The following RHBDL3 variants were observed in gnomAD, a reference collection of about 807,000 sequenced individuals.
The protein encoded by RHBDL3 is rhomboid-related protein 3.
A neutral mutation model predicts 48.2 loss-of-function variants in RHBDL3; 28 were observed. That is an observed-to-expected ratio of 0.58 (90% CI 0.43 to 0.80). The LOEUF (loss-of-function observed/expected upper bound fraction) is 0.80, where lower values mean the gene tolerates loss of function less well. Ranked by LOEUF, RHBDL3 falls within the 30% of genes least tolerant of loss-of-function variation. RHBDL3 has a pLI of 0.00. For synonymous variants in RHBDL3, 208 were observed against 232.3 expected (o/e 0.90, Z 0.95); for missense variants, 464 against 542.7 (o/e 0.85, Z 1.44).
chr17:32,318,407 C>T (rs554457711), intron 8 of RHBDL3, among the ~76,000 whole-genome samples: 10 of 56,666 alleles, frequency 1.8e-4, no homozygotes, highest in African/African-American at 9.7e-4. Flanking sequence ...GAGGCCAAAG[C>T]GAGTAGATCA....
intron 2 of RHBDL3, among the ~76,000 whole-genome samples, chr17:32,273,592 T>TC (rs1206985187): frequency 6.6e-6 from 1 of 152,060 alleles, no homozygotes. Context: ...CCTAGTACCT[T>TC]CCCCCCTACG....
At chr17:32,291,518 T>C (rs903372084) in intron 4 of RHBDL3, among the ~76,000 whole-genome samples, 1 of 150,638 alleles carries the variant, frequency 6.6e-6, no homozygotes, top group African/African-American at 2.4e-5. Flanking sequence ...CCGTCTCTAC[T>C]AAAAATACAA....
At chr17:32,317,436 T>C (rs2041003165) in intron 8 of RHBDL3, among the ~76,000 whole-genome samples, 1 of 152,168 alleles carries the variant, frequency 6.6e-6, no homozygotes, top group Admixed American at 6.5e-5. Context: ...AGGAACAAGA[T>C]GTCTTCAGGG....
At chr17:32,293,779 A>G (rs1178965791) in intron 4 of RHBDL3, among the ~76,000 whole-genome samples, 5 of 146,658 alleles carry the variant, frequency 3.4e-5, no homozygotes, top group Non-Finnish European at 4.5e-5. Flanking sequence ...CCCCAGGACC[A>G]TGTTGCGGCC....
At chr17:32,316,993 C>T (rs1014772892) in intron 8 of RHBDL3, among the ~76,000 whole-genome samples, 5 of 151,674 alleles carry the variant, frequency 3.3e-5, no homozygotes, top group African/African-American at 7.3e-5. Context: ...TGTCTCAGCC[C>T]CCCAAGTAGC....
intron 7 of RHBDL3, among the ~76,000 whole-genome samples, chr17:32,311,126 G>A (rs1456919455): frequency 1.3e-5 from 2 of 152,202 alleles, no homozygotes; most frequent in Non-Finnish European, 1.5e-5. Flanking sequence ...AAGATGCTGA[G>A]GGGACTGGTT....
chr17:32,316,865 AT>A (rs1158577146), intron 8 of RHBDL3, among the ~76,000 whole-genome samples: 3 of 144,508 alleles, frequency 2.1e-5, no homozygotes, highest in East Asian at 3.9e-4. Context: ...ATTTTATTTT[AT>A]TTATTTTATT....
intron 7 of RHBDL3, among the ~76,000 whole-genome samples, chr17:32,307,213 A>G (rs2040731398): frequency 6.6e-6 from 1 of 151,984 alleles, no homozygotes; most frequent in Admixed American, 6.6e-5. Flanking sequence ...TTACTTGTCT[A>G]TTTCCCAGTA....
At chr17:32,306,976 G>T (rs1223491117) in intron 7 of RHBDL3, among the ~76,000 whole-genome samples, 2 of 152,170 alleles carry the variant, frequency 1.3e-5, no homozygotes, top group African/African-American at 4.8e-5. Flanking sequence ...ATGAAATAAA[G>T]TGCAAATAAC....
At chr17:32,313,751 C>CTTTT (rs559422433) in intron 7 of RHBDL3, among the ~76,000 whole-genome samples, 2,933 of 98,598 alleles carry the variant, frequency 0.03, 83 homozygotes, top group Non-Finnish European at 0.043. Context: ...AATTCCCTCC[C>CTTTT]TTTTTTTTTT....
At chr17:32,266,335 G>T in intron 1 of RHBDL3, 35 bp downstream of exon 1, 1 of 1,164,642 alleles carries the variant, frequency 8.6e-7, no homozygotes, top group South Asian at 1.5e-5. Flanking sequence ...AAACTTTCTA[G>T]GGGGCGCCGG....
chr17:32,305,875 G>C (rs1033482627), intron 7 of RHBDL3, among the ~76,000 whole-genome samples: 6 of 149,280 alleles, frequency 4.0e-5, no homozygotes, highest in African/African-American at 1.5e-4. Flanking sequence ...CCGAGATCGC[G>C]CCACTGCACT....
intron 7 of RHBDL3, among the ~76,000 whole-genome samples, chr17:32,312,727 A>C (rs1013298353): frequency 1.3e-5 from 2 of 151,874 alleles, no homozygotes; most frequent in Admixed American, 1.3e-4. Flanking sequence ...GCTGTTTGCC[A>C]GGCTGGTCTT....
At chr17:32,299,512 G>A (rs1323217871) in intron 6 of RHBDL3, among the ~76,000 whole-genome samples, 2 of 152,188 alleles carry the variant, frequency 1.3e-5, no homozygotes, top group Non-Finnish European at 2.9e-5. Context: ...GACATCTGAG[G>A]ATTGATAGCC....
intron 5 of RHBDL3, among the ~76,000 whole-genome samples, chr17:32,295,400 A>G (rs1225599295): frequency 1.3e-5 from 2 of 152,224 alleles, no homozygotes; most frequent in African/African-American, 4.8e-5. Context: ...GCTCAGGCCA[A>G]AGAGGACCAT....
chr17:32,266,005 C>A lies in RHBDL3; in HGVS notation c.-185C>A, dbSNP rs2039618332. Among the ~76,000 whole-genome samples, 1 of 143,952 alleles carries A rather than the reference C, an allele frequency of 6.9e-6. No homozygotes were observed. The highest frequency in any genetic ancestry group is 1.5e-5 in the Non-Finnish European group (1 of 64,932). 94.4% of individuals were successfully genotyped at this position (143,952 alleles called of 152,430 possible). On this transcript the variant is annotated 5_prime_UTR_variant, in exon 1 of 9. Transcript: ENST00000269051. ...GCGGAGGGGCCGGGCGTCCCGGGGT[C>A]GCGAGGAGGCGGCGGCGGCGCGGGG...
intron 1 of RHBDL3, among the ~76,000 whole-genome samples, chr17:32,266,840 G>A (rs961139085): frequency 1.3e-5 from 2 of 152,220 alleles, no homozygotes; most frequent in Non-Finnish European, 2.9e-5. Context: ...CCGGAGCAGG[G>A]AGGCAAAGAG....
At chr17:32,293,891 G>A (rs559793201) in intron 4 of RHBDL3, among the ~76,000 whole-genome samples, 1 of 152,216 alleles carries the variant, frequency 6.6e-6, no homozygotes, top group Admixed American at 6.5e-5. Context: ...ACTTTGGGAG[G>A]CCAAGGCGGG....
chr17:32,300,390 G>T (rs2040554170), intron 6 of RHBDL3, among the ~76,000 whole-genome samples: 2 of 151,888 alleles, frequency 1.3e-5, no homozygotes, highest in Admixed American at 1.3e-4. Flanking sequence ...TCTACAAAAA[G>T]TTTTTTAAAA....
Sources: gnomAD v4.1 joint callset for allele counts (sites outside exome capture counted in the v4.1 genomes callset) on GRCh38, gnomAD v4.1.1 for gene constraint, MANE v1.5 for transcripts, NCBI Gene and HGNC (gene_info 2026-07-23, HGNC 2026-07-21) for gene names.